GIN1: variants seen among roughly 807,000 people sequenced by gnomAD.
GIN1 encodes the protein gypsy retrotransposon integrase-like protein 1.
In GIN1, 41 loss-of-function variants were observed where a neutral mutation model predicts 51.4. The observed-to-expected ratio is 0.80, with a 90% CI of 0.62 to 1.04. The LOEUF (loss-of-function observed/expected upper bound fraction) is 1.04, where lower values mean the gene tolerates loss of function less well. Ranked by LOEUF, GIN1 falls within the 50% of genes least tolerant of loss-of-function variation. The pLI is 0.00. For missense variants in GIN1, 610 were observed against 612.4 expected, an observed-to-expected ratio of 1.00 and a Z score of 0.04; for synonymous variants, 222 against 206.5, an observed-to-expected ratio of 1.07 and a Z score of -0.64.
At chr5:103,111,237 A>G (rs1583132789) in intron 1 of GIN1, among the ~76,000 whole-genome samples, 1 of 152,088 alleles carries the variant, frequency 6.6e-6, no homozygotes, top group Middle Eastern at 3.2e-3. Context: ...TTTCATCTCT[A>G]TACTACAATG....
intron 3 of GIN1, 148 bp from the exon 4 acceptor site, chr5:103,104,994 T>A: frequency 1.7e-6 from 1 of 582,356 alleles, no homozygotes; most frequent in East Asian, 2.8e-5. Flanking sequence ...AATCACTGGA[T>A]TAAACCTATT....
At chr5:103,093,557 TG>T (rs1562325895) in intron 7 of GIN1, among the ~76,000 whole-genome samples, 1 of 152,250 alleles carries the variant, frequency 6.6e-6, no homozygotes, top group Non-Finnish European at 1.5e-5. Context: ...AAATGTGTGT[TG>T]TTTTAAACCA....
intron 1 of GIN1, among the ~76,000 whole-genome samples, chr5:103,109,380 G>C (rs1554196687): frequency 6.6e-6 from 1 of 152,048 alleles, no homozygotes; most frequent in African/African-American, 2.4e-5. Flanking sequence ...CTGACCACTG[G>C]AAGATCTAGG....
chr5:103,092,945 C>A (rs1260380099), intron 7 of GIN1, among the ~76,000 whole-genome samples: 14 of 60,492 alleles, frequency 2.3e-4, no homozygotes, highest in Admixed American at 2.9e-4. Context: ...GAACCTGTCT[C>A]AAAAAAAAAA....
intron 1 of GIN1, among the ~76,000 whole-genome samples, chr5:103,109,156 T>C (rs990581932): frequency 6.6e-6 from 1 of 152,026 alleles, no homozygotes; most frequent in Non-Finnish European, 1.5e-5. Context: ...TATTCATGGT[T>C]ATTTCTTCTT....
chr5:103,110,241 A>C (rs1195542073), intron 1 of GIN1, among the ~76,000 whole-genome samples: 1 of 152,088 alleles, frequency 6.6e-6, no homozygotes, highest in Non-Finnish European at 1.5e-5. Context: ...AAAATTAACA[A>C]TAGGGCTTTA....
In GIN1 at chr5:103,096,834, T is replaced by C. The variant is rs782412815; in HGVS notation, c.1009-8A>G. On this transcript the variant is annotated splice_polypyrimidine_tract_variant and splice_region_variant and intron_variant, in intron 6 of 7. Coordinates refer to ENST00000399004, the MANE Select transcript of GIN1 (RefSeq NM_017676.2). ...CAAATTGTTGTTCTCCATCTACAAGTGTAAAAAGAAAAAGAACAAAGAGAT... is the reference window on the plus strand; with the variant it reads ...CAAATTGTTGTTCTCCATCTACAAGCGTAAAAAGAAAAAGAACAAAGAGAT... 6.5e-7 allele frequency: 1 copy of C among 1,548,852 alleles called. No individual in the cohort carries two copies. Among genetic ancestry groups the C allele is most frequent in the Admixed American group, 1.7e-5 (1 of 58,206 alleles).
chr5:103,107,304 C>G (rs1787754209), intron 2 of GIN1, among the ~76,000 whole-genome samples: 2 of 151,636 alleles, frequency 1.3e-5, no homozygotes, highest in African/African-American at 4.8e-5. Context: ...CTTCCTGGAA[C>G]AGAATTTTCT....
intron 7 of GIN1, among the ~76,000 whole-genome samples, chr5:103,090,899 G>A (rs1041510212): frequency 1.5e-5 from 2 of 133,500 alleles, no homozygotes; most frequent in South Asian, 4.5e-4. Context: ...AGTCACACAC[G>A]AACACACACA....
chr5:103,110,324 A>G (rs984294744), intron 1 of GIN1, among the ~76,000 whole-genome samples: 12 of 152,170 alleles, frequency 7.9e-5, no homozygotes, highest in South Asian at 4.1e-4. Flanking sequence ...TTGGGAGAAG[A>G]TATCTGTAAT....
Position 103,092,161 on chromosome 5 carries a change from T to G in GIN1, c.1295-3989A>C, listed in dbSNP as rs1338030752. On this transcript the variant is annotated intron_variant, in intron 7 of 7. Transcript: ENST00000399004. ...CCCGCTAAGTAGCTAAAACTAAAGG[T>G]GCGTATCACCATGCCCGGCTAATTT... 2.0e-5 allele frequency among the ~76,000 whole-genome samples: 3 copies of G among 151,776 alleles called. No homozygotes were observed. The East Asian group carries it at 5.8e-4, about 29-fold the overall frequency.
intron 4 of GIN1, chr5:103,102,640 G>A (rs1422207518): frequency 6.6e-6 from 1 of 152,122 alleles, no homozygotes; most frequent in African/African-American, 2.4e-5. Flanking sequence ...GGCTGGGTGC[G>A]GTAGCTCACG....
chr5:103,092,686 C>CTT (rs1465621283), intron 7 of GIN1, among the ~76,000 whole-genome samples: 1 of 38,068 alleles, frequency 2.6e-5, no homozygotes, highest in African/African-American at 1.1e-4. Flanking sequence ...ATGGCTCACA[C>CTT]TTGTAATTCC....
chr5:103,099,470 A>T (rs924060699), intron 4 of GIN1, among the ~76,000 whole-genome samples: 8 of 152,122 alleles, frequency 5.3e-5, no homozygotes, highest in Admixed American at 3.3e-4. Flanking sequence ...ATTCAGGGTG[A>T]CTATTTTTAA....
intron 4 of GIN1, among the ~76,000 whole-genome samples, chr5:103,098,089 GC>G (rs1787459705): frequency 6.6e-6 from 1 of 152,080 alleles, no homozygotes; most frequent in Non-Finnish European, 1.5e-5. Flanking sequence ...CACCATATTG[GC>G]CAGGCTAGTC....
intron 7 of GIN1, among the ~76,000 whole-genome samples, chr5:103,095,093 CT>C (rs1443529442): frequency 2.6e-5 from 4 of 152,252 alleles, no homozygotes; most frequent in African/African-American, 9.6e-5. Context: ...TGTTGTTACT[CT>C]TTTTGTTATT....
At chr5:103,117,581 T>TACAC (rs3836841) in intron 1 of GIN1, among the ~76,000 whole-genome samples, 11 of 149,486 alleles carry the variant, frequency 7.4e-5, no homozygotes, top group South Asian at 2.1e-4. Flanking sequence ...GAAAAAAATA[T>TACAC]ACACACACAC....
chr5:103,109,504 C>G (rs1787814807), intron 1 of GIN1, among the ~76,000 whole-genome samples: 1 of 152,096 alleles, frequency 6.6e-6, no homozygotes, highest in African/African-American at 2.4e-5. Context: ...TGACACAGCT[C>G]TTTGCAAATG....
chr5:103,099,374 AT>A (rs1554195517), intron 4 of GIN1, among the ~76,000 whole-genome samples: 1 of 151,842 alleles, frequency 6.6e-6, no homozygotes, highest in East Asian at 1.9e-4. Context: ...GGGATAATAT[AT>A]ATACAATATA....
Sources: gnomAD v4.1 joint callset for allele counts (sites outside exome capture counted in the v4.1 genomes callset) on GRCh38, gnomAD v4.1.1 for gene constraint, MANE v1.5 for transcripts, NCBI Gene and HGNC (gene_info 2026-07-23, HGNC 2026-07-21) for gene names.